The following SPATA7 variants were observed in gnomAD, a reference collection of about 807,000 sequenced individuals.
SPATA7 encodes the protein spermatogenesis-associated protein 7.
SPATA7 carries 43 observed loss-of-function variants against 51.8 expected under a neutral mutation model. That is an observed-to-expected ratio of 0.83 (90% confidence interval 0.65 to 1.07). The LOEUF (loss-of-function observed/expected upper bound fraction) is 1.07. Ranked by LOEUF, SPATA7 falls within the 50% of genes least tolerant of loss-of-function variation. The pLI, the probability that SPATA7 is intolerant of heterozygous loss-of-function variation, is 0.00. For synonymous variants in SPATA7, 230 were observed against 252.8 expected, an observed-to-expected ratio of 0.91 and a Z score of 0.86; for missense variants, 683 against 701.3, an observed-to-expected ratio of 0.97 and a Z score of 0.30.
chr14:88,399,110 G>A (rs1038380234), intron 4 of SPATA7, among the ~76,000 whole-genome samples: 6 of 151,786 alleles, frequency 4.0e-5, no homozygotes, highest in Admixed American at 2.0e-4. Context: ...CATGCTAAAT[G>A]ATAAATGAAT....
chr14:88,434,038 G>T (rs956629405), intron 10 of SPATA7, among the ~76,000 whole-genome samples: 3 of 151,990 alleles, frequency 2.0e-5, no homozygotes, highest in African/African-American at 4.8e-5. Flanking sequence ...AAAAGTTTTG[G>T]CAATCTGTAT....
At chr14:88,386,630 T>C (rs894822625) in intron 1 of SPATA7, among the ~76,000 whole-genome samples, 19 of 152,158 alleles carry the variant, frequency 1.2e-4, no homozygotes, top group African/African-American at 4.6e-4. Flanking sequence ...CAATCTTAAA[T>C]ATCTACAAAT....
At chr14:88,436,897 T>C (rs565705233) in intron 10 of SPATA7, among the ~76,000 whole-genome samples, 1 of 152,262 alleles carries the variant, frequency 6.6e-6, no homozygotes, top group South Asian at 2.1e-4. Context: ...AGGATAGCTT[T>C]GGCTATTCTG....
chr14:88,409,583 A>G (rs1442698733), intron 4 of SPATA7, among the ~76,000 whole-genome samples: 1 of 149,622 alleles, frequency 6.7e-6, no homozygotes, highest in Non-Finnish European at 1.5e-5. Flanking sequence ...TCACATCTGT[A>G]TCTCCTTCAT....
At position 88,469,082 on chromosome 14, in the gene SPATA7, G is replaced by GA; in HGVS notation, c.255-761dup. ...CTGGATCTCTTCAAGATATGCTGTG[G>GA]AAAATCAATGAAATAGAAAAGTACT... On this transcript the variant is annotated intron_variant, in intron 4 of 4. Transcript: ENST00000556406. This position sits in a 1 kb window ranked among gnomAD's most constrained non-coding sequence, Gnocchi z 4.3. 1 of 1,603,100 alleles carries GA rather than the reference G, an allele frequency of 6.2e-7. No homozygotes were observed. Among genetic ancestry groups the GA allele is most frequent in the Non-Finnish European group, 8.5e-7 (1 of 1,172,196 alleles).
intron 1 of SPATA7, 57 bp downstream of exon 1, chr14:88,385,894 C>T: frequency 6.4e-7 from 1 of 1,566,750 alleles, no homozygotes; most frequent in South Asian, 1.2e-5. Context: ...AGGCGGCGCT[C>T]CCAGCCTCGG....
chr14:88,396,318 T>A (rs2075878608), intron 4 of SPATA7, 115 bp downstream of exon 4: 1 of 729,846 alleles, frequency 1.4e-6, no homozygotes, highest in South Asian at 1.6e-5. Context: ...TTAAGTACAT[T>A]AATATTGTGG....
At chr14:88,398,664 T>C (rs2075969456) in intron 4 of SPATA7, among the ~76,000 whole-genome samples, 1 of 151,788 alleles carries the variant, frequency 6.6e-6, no homozygotes, top group Non-Finnish European at 1.5e-5. Context: ...AAAAAATCAG[T>C]GTTATAAATT....
intron 4 of SPATA7, among the ~76,000 whole-genome samples, chr14:88,462,139 C>G (rs566225837): frequency 1.3e-5 from 2 of 152,252 alleles, no homozygotes; most frequent in East Asian, 3.9e-4. Flanking sequence ...AAATATTTGT[C>G]TCATTCAATG....
At chr14:88,468,785 A>T in intron 4 of SPATA7, 2 of 1,072,350 alleles carry the variant, frequency 1.9e-6, no homozygotes, top group Non-Finnish European at 2.8e-6. Context: ...TTTGCAGGGA[A>T]CATTAGTAAC....
chr14:88,453,273 T>C (rs535264135), intron 3 of SPATA7, among the ~76,000 whole-genome samples: 1 of 152,318 alleles, frequency 6.6e-6, no homozygotes, highest in East Asian at 1.9e-4. Flanking sequence ...TATTTCCTCT[T>C]CTCTTTATAC....
At position 88,413,311 on chromosome 14, in the gene SPATA7, TG is replaced by T. The variant is rs143241462; in HGVS notation, c.239-3399del. On this transcript the variant is annotated intron_variant, in intron 4 of 11. Coordinates refer to ENST00000393545, the MANE Select transcript of SPATA7 (RefSeq NM_018418.5). ...TTTTATTTTGTGTGTGTGTAACTAT[TG>T]TAAATGAGATTGTGTTCTTGATTTG... is the stretch of plus-strand genomic sequence containing the variant. Among the ~76,000 whole-genome samples, 1,298 of 152,264 alleles carry T rather than the reference TG, an allele frequency of 8.5e-3. 27 individuals are homozygous for T. The highest frequency in any genetic ancestry group is 0.029 in the African/African-American group (1,221 of 41,556).
At chr14:88,468,146 C>T (rs760734265) in intron 4 of SPATA7, 1 of 1,614,018 alleles carries the variant, frequency 6.2e-7, no homozygotes, top group East Asian at 2.2e-5. Context: ...CTTAGATGAG[C>T]CTGGAGCTTT....
intron 5 of SPATA7, among the ~76,000 whole-genome samples, chr14:88,417,350 A>G (rs927439250): frequency 6.8e-6 from 1 of 148,052 alleles, no homozygotes; most frequent in Non-Finnish European, 1.5e-5. Flanking sequence ...TCTGTTGCCC[A>G]GGCTGGAGTG....
At position 88,407,576 on chromosome 14, in the gene SPATA7, C is replaced by T. The variant is rs183414947; in HGVS notation, c.239-9135C>T. On this transcript the variant is annotated intron_variant, in intron 4 of 11. Transcript: ENST00000393545. ...GTGGGTTGTTTGTCCACTCTGATGA[C>T]GGTTTCTTTTGCTGTGCAGAAGCTC... Among the ~76,000 whole-genome samples the T allele has an allele frequency of 4.0e-4, 61 of 152,136 alleles. 1 individual carries two copies. Among genetic ancestry groups the T allele is most frequent in the African/African-American group, 1.4e-3 (58 of 41,516 alleles).
intron 4 of SPATA7, among the ~76,000 whole-genome samples, chr14:88,399,487 A>G (rs887996825): frequency 1.3e-5 from 2 of 152,248 alleles, no homozygotes; most frequent in African/African-American, 2.4e-5. Context: ...TACAAGTTAT[A>G]TGGGCAAGTC....
intron 5 of SPATA7, among the ~76,000 whole-genome samples, chr14:88,423,923 C>T (rs1324381467): frequency 6.6e-6 from 1 of 152,064 alleles, no homozygotes; most frequent in East Asian, 1.9e-4. Context: ...TTCTGACATC[C>T]TTAAAAAAGA....
intron 5 of SPATA7, among the ~76,000 whole-genome samples, chr14:88,425,414 T>C (rs1256402716): frequency 6.6e-6 from 1 of 152,180 alleles, no homozygotes; most frequent in Non-Finnish European, 1.5e-5. Context: ...TCAATTTCTG[T>C]AACCTCCATG....
chr14:88,444,756 G>A (rs2077200011), intron 3 of SPATA7, among the ~76,000 whole-genome samples: 1 of 152,112 alleles, frequency 6.6e-6, no homozygotes, highest in Non-Finnish European at 1.5e-5. Flanking sequence ...TTTCCCCATT[G>A]CTTGTTTTCC....
Sources: gnomAD v4.1 joint callset for allele counts (sites outside exome capture counted in the v4.1 genomes callset) on GRCh38, gnomAD v4.1.1 for gene constraint, Gnocchi (gnomAD v3.1) non-coding constraint, MANE v1.5 for transcripts, NCBI Gene and HGNC (gene_info 2026-07-23, HGNC 2026-07-21) for gene names.